AGMO: variants seen among roughly 807,000 people sequenced by gnomAD.
AGMO encodes the protein glyceryl-ether monooxygenase.
AGMO carries 75 observed loss-of-function variants against 60.2 expected under a neutral mutation model. The ratio of observed to expected loss-of-function variants is 1.25; its 90% CI spans 1.03 to 1.51. AGMO has a LOEUF of 1.51. Ranked by LOEUF, AGMO falls within the 40% of genes most tolerant of loss-of-function variation. AGMO has a pLI of 0.00. For synonymous variants in AGMO, 261 were observed against 177.1 expected (o/e 1.47, Z -3.76); for missense variants, 763 against 525.5 (o/e 1.45, Z -4.42).
chr7:15,460,399 T>A (rs904828971), intron 3 of AGMO, among the ~76,000 whole-genome samples: 3 of 152,152 alleles, frequency 2.0e-5, no homozygotes, highest in Non-Finnish European at 1.5e-5. Flanking sequence ...TCCATACTTT[T>A]AAATTTTTCA....
At chr7:15,521,275 G>T (rs943693272) in intron 3 of AGMO, among the ~76,000 whole-genome samples, 17 of 152,270 alleles carry the variant, frequency 1.1e-4, no homozygotes, top group African/African-American at 4.1e-4. Context: ...GGTACAAAGA[G>T]GAGCTGGTAC....
chr7:15,351,253 A>T (rs1487508252), intron 12 of AGMO, among the ~76,000 whole-genome samples: 1 of 152,170 alleles, frequency 6.6e-6, no homozygotes, highest in Non-Finnish European at 1.5e-5. Context: ...GTTTTTACAT[A>T]TGTAGATAAC....
intron 3 of AGMO, among the ~76,000 whole-genome samples, chr7:15,461,810 AG>A (rs1782150762): frequency 6.6e-6 from 1 of 152,152 alleles, no homozygotes. Flanking sequence ...GAAGAAGTAT[AG>A]TGCAAATTCC....
chr7:15,212,417 T>C (rs1488486135), intron 12 of AGMO, among the ~76,000 whole-genome samples: 3 of 151,980 alleles, frequency 2.0e-5, no homozygotes, highest in African/African-American at 7.2e-5. Context: ...CTTTCACTCT[T>C]GGCAGAGATG....
At chr7:15,159,920 T>TCAGATC in the AGMO span, among the ~76,000 whole-genome samples, 1 of 152,204 alleles carries the variant, frequency 6.6e-6, no homozygotes, top group Non-Finnish European at 1.5e-5. Flanking sequence ...AGATCCGATG[T>TCAGATC]ATTTCTCTGC....
intron 3 of AGMO, 95 bp downstream of exon 3, chr7:15,544,677 T>C: frequency 1.9e-6 from 2 of 1,032,072 alleles, no homozygotes; most frequent in Non-Finnish European, 2.6e-6. Context: ...ATTTTATTCC[T>C]GTATTTATCC....
chr7:15,233,651 C>T (rs1290603869), intron 12 of AGMO, among the ~76,000 whole-genome samples: 2 of 151,660 alleles, frequency 1.3e-5, no homozygotes, highest in South Asian at 2.1e-4. Flanking sequence ...AGTCAGGAAA[C>T]GGATTTAGGA....
the AGMO span, among the ~76,000 whole-genome samples, chr7:15,147,495 A>G: frequency 1.1e-4 from 16 of 152,016 alleles, no homozygotes; most frequent in African/African-American, 3.9e-4. Context: ...AGAGCATAAG[A>G]CCCGCCTCCA....
At chr7:15,429,522 G>T (rs1583542844) in intron 4 of AGMO, among the ~76,000 whole-genome samples, 1 of 152,074 alleles carries the variant, frequency 6.6e-6, no homozygotes, top group East Asian at 1.9e-4. Flanking sequence ...CCTTGATTTT[G>T]ACTTGACTTG....
chr7:15,252,456 T>C (rs1782968437), intron 12 of AGMO, among the ~76,000 whole-genome samples: 1 of 152,230 alleles, frequency 6.6e-6, no homozygotes, highest in Non-Finnish European at 1.5e-5. Flanking sequence ...CTGTACTGCC[T>C]TTCCCTTTCT....
At chr7:15,452,564 A>G (rs1442265461) in intron 3 of AGMO, among the ~76,000 whole-genome samples, 2 of 152,232 alleles carry the variant, frequency 1.3e-5, no homozygotes, top group Non-Finnish European at 2.9e-5. Flanking sequence ...GATGGCTATA[A>G]TAAAAAAGAT....
chr7:15,376,032 G>C (rs912058092), intron 10 of AGMO, among the ~76,000 whole-genome samples: 1 of 152,080 alleles, frequency 6.6e-6, no homozygotes, highest in African/African-American at 2.4e-5. Flanking sequence ...AAAAAATAAT[G>C]TATTTAGGAA....
chr7:15,337,384 G>C (rs867536228), intron 12 of AGMO, among the ~76,000 whole-genome samples: 2 of 151,986 alleles, frequency 1.3e-5, no homozygotes, highest in African/African-American at 4.8e-5. Context: ...GTAGGGAAGG[G>C]GACAGGCAAT....
At chr7:15,131,605 G>A in the AGMO span, among the ~76,000 whole-genome samples, 3 of 152,002 alleles carry the variant, frequency 2.0e-5, no homozygotes, top group Non-Finnish European at 4.4e-5. Context: ...ATTTTTCAGT[G>A]TTCCACAAAT....
chr7:15,507,937 G>A (rs533765329), intron 3 of AGMO, among the ~76,000 whole-genome samples: 20 of 152,122 alleles, frequency 1.3e-4, no homozygotes, highest in African/African-American at 4.6e-4. Context: ...GGTGATGACT[G>A]CTGGGATGGG....
intron 12 of AGMO, among the ~76,000 whole-genome samples, chr7:15,323,307 T>C (rs1781239478): frequency 6.6e-6 from 1 of 152,078 alleles, no homozygotes; most frequent in South Asian, 2.1e-4. Flanking sequence ...TAACTTTTTG[T>C]TTGTATATTT....
In AGMO at chr7:15,542,558, G is replaced by A. The variant is rs116767079; in HGVS notation, c.409+2214C>T. On this transcript the variant is annotated intron_variant, in intron 3 of 12. Transcript: ENST00000342526. ...GCAGATTTCCCAAATAAACACATCCGTGTTGGGTAGTGCGGCATGAGGAAG... is the reference window on the plus strand; with the variant it reads ...GCAGATTTCCCAAATAAACACATCCATGTTGGGTAGTGCGGCATGAGGAAG... Among the ~76,000 whole-genome samples the A allele has an allele frequency of 3.6e-3, 548 of 152,194 alleles. 4 individuals carry two copies. Among genetic ancestry groups the A allele is most frequent in the African/African-American group, 0.013 (530 of 41,532 alleles).
chr7:15,117,315 A>T, the AGMO span, among the ~76,000 whole-genome samples: 77 of 152,114 alleles, frequency 5.1e-4, no homozygotes, highest in African/African-American at 1.7e-3. Context: ...AGAGGACTTT[A>T]TTAGGATCAT....
At chr7:15,360,932 A>C (rs1301788824) in intron 12 of AGMO, among the ~76,000 whole-genome samples, 1 of 130,436 alleles carries the variant, frequency 7.7e-6, no homozygotes, top group Non-Finnish European at 1.6e-5. Context: ...AGAAAAAACC[A>C]GATAAATTAT....
Sources: gnomAD v4.1 joint callset for allele counts (sites outside exome capture counted in the v4.1 genomes callset) on GRCh38, gnomAD v4.1.1 for gene constraint, MANE v1.5 for transcripts, NCBI Gene and HGNC (gene_info 2026-07-23, HGNC 2026-07-21) for gene names.